The following CLCN6 variants were observed in gnomAD, a reference collection of about 807,000 sequenced individuals.
CLCN6 encodes Cl-/H+ antiporter 6, also known as H(+)/Cl(-) exchange transporter 6.
In CLCN6, 70 loss-of-function variants were observed where a neutral mutation model predicts 109.8. The ratio of observed to expected loss-of-function variants is 0.64; its 90% confidence interval spans 0.53 to 0.78. The LOEUF (loss-of-function observed/expected upper bound fraction) is 0.78, where lower values mean the gene tolerates loss of function less well. CLCN6 is among the 30% of genes least tolerant of loss of function. The pLI is 0.00. For synonymous variants in CLCN6, 444 were observed against 447.8 expected (o/e 0.99, Z 0.11); for missense variants, 984 against 1,142.3 (o/e 0.86, Z 2.00).
At chr1:11,823,932 G>A in intron 7 of CLCN6, 99 bp downstream of exon 7, 1 of 1,472,382 alleles carries the variant, frequency 6.8e-7, no homozygotes, top group East Asian at 2.3e-5. Context: ...GCAGGGCCCA[G>A]CCTCAAACAG....
At chr1:11,832,874 T>C (rs1644898282) in intron 13 of CLCN6, among the ~76,000 whole-genome samples, 1 of 152,178 alleles carries the variant, frequency 6.6e-6, no homozygotes, top group Non-Finnish European at 1.5e-5. Flanking sequence ...AGGTCTAAAA[T>C]GTGTAGAAGT....
At position 11,819,641 on chromosome 1, in the gene CLCN6, T is replaced by C. The variant is rs1229721498; in HGVS notation, c.346+87T>C. On this transcript the variant is annotated intron_variant, in intron 5 of 22. Transcript: ENST00000346436. ...ATAGAAATGGGTCTAACAGTAAGCA[T>C]AGTATTAGAAGGGCCGCTTATTAGC... 8 of 1,187,510 alleles carry C rather than the reference T, an allele frequency of 6.7e-6. No homozygotes were observed. In the East Asian group the frequency reaches 1.9e-4, roughly 28 times the overall value. 73.6% of individuals were successfully genotyped at this position (1,187,510 alleles called of 1,614,324 possible).
chr1:11,824,675 C>T (rs1230752333), intron 8 of CLCN6, 122 bp downstream of exon 8: 8 of 637,312 alleles, frequency 1.3e-5, no homozygotes, highest in East Asian at 3.1e-5. Context: ...TCTGGCTTCA[C>T]GTGTAAACCA....
intron 5 of CLCN6, among the ~76,000 whole-genome samples, chr1:11,822,468 C>G (rs760008545): frequency 6.6e-6 from 1 of 152,212 alleles, no homozygotes; most frequent in Non-Finnish European, 1.5e-5. Flanking sequence ...GCCTCCAACT[C>G]TTAGGCTCAA....
intron 13 of CLCN6, among the ~76,000 whole-genome samples, chr1:11,831,136 T>TAC (rs1491197987): frequency 6.6e-6 from 1 of 150,482 alleles, no homozygotes; most frequent in Non-Finnish European, 1.5e-5. Context: ...CAGCCTGGTT[T>TAC]ATATATATAT....
Position 11,833,518 on chromosome 1 carries a change from A to G in CLCN6, c.1252A>G (p.Thr418Ala). The change falls in exon 14 of 23, where the codon ACA becomes GCA. Residue 418 changes from threonine to alanine, a missense_variant. Physicochemically the swap from Thr to Ala is moderately conservative, Grantham distance 58. Coordinates refer to ENST00000346436, the MANE Select transcript of CLCN6 (RefSeq NM_001286.5). ...IGNDSFQLQV[T>A]EDVNSSIKTF... ...TTTTCTGATTCCTTCTTCTCAGGTC[A>G]CAGAAGATGTGAATTCAAGTATCAA... The G allele has an allele frequency of 6.2e-7, 1 of 1,613,796 alleles. No individual in the cohort carries two copies. The highest frequency in any genetic ancestry group is 1.7e-5 in the Admixed American group (1 of 60,024).
chr1:11,838,780 C>G (rs1175527292), intron 22 of CLCN6, 120 bp downstream of exon 22: 24 of 1,431,712 alleles, frequency 1.7e-5, no homozygotes, highest in Non-Finnish European at 2.2e-5. Flanking sequence ...GAGAGTGTGG[C>G]CCAACACTAG....
rs549178461 is a variant in CLCN6 at position 11,838,301 on chromosome 1, C to T, written c.2296-34C>T. The T allele has an allele frequency of 4.4e-5, 70 of 1,598,508 alleles. No individual in the cohort carries two copies. The East Asian group carries it at 4.5e-4, about 10-fold the overall frequency. On this transcript the variant is annotated intron_variant, in intron 20 of 22. Coordinates refer to ENST00000346436, the MANE Select transcript of CLCN6 (RefSeq NM_001286.5). ...AGGTGACCCTGCTGGCCACTGCTGC[C>T]TGAGCACGGACAGTGTCTGGGTTGG...
chr1:11,836,852 T>A, intron 18 of CLCN6, 147 bp from the exon 19 acceptor site: 1 of 863,016 alleles, frequency 1.2e-6, no homozygotes. Flanking sequence ...ACCACCAGCC[T>A]GAGCCACTCT....
At position 11,828,126 on chromosome 1, in the gene CLCN6, C is replaced by T. The variant is rs1644835713; in HGVS notation, c.861C>T (p.Ala287=). 1 of 1,613,996 alleles carries T rather than the reference C, an allele frequency of 6.2e-7. No homozygotes were observed. Among genetic ancestry groups the T allele is most frequent in the African/African-American group, 1.3e-5 (1 of 74,912 alleles). ...CCTAGCTCTTTTGTTCCATGTCTGC[C>T]ACCTTCACCCTCAACTTCTTCCGTT... is the stretch of plus-strand genomic sequence containing the variant. The part of the protein sequence containing the change: ...TWKVLFCSMS[A]TFTLNFFRSG... The change falls in exon 11 of 23, where the codon GCC becomes GCT. Residue 287 remains alanine, a synonymous_variant. Coordinates refer to ENST00000346436, the MANE Select transcript of CLCN6 (RefSeq NM_001286.5).
rs566286885 is a variant in CLCN6, at chr1:11,830,173, C to T, written c.1248+851C>T. ...GAGGTAGTCCGTGGAGCCTACTCCA[C>T]GCTGTGTTCTTTCGGTCCAACCCGG... is the stretch of plus-strand genomic sequence containing the variant. On this transcript the variant is annotated intron_variant, in intron 13 of 22. Coordinates refer to ENST00000346436, the MANE Select transcript of CLCN6 (RefSeq NM_001286.5). 5.3e-5 allele frequency: 8 copies of T among 152,332 alleles called. No homozygotes were observed. In the East Asian group the frequency reaches 1.3e-3, roughly 26 times the overall value. 9.4% of individuals were successfully genotyped at this position (152,332 alleles called of 1,614,324 possible).
chr1:11,817,094 T>C (rs1644682975), intron 4 of CLCN6, among the ~76,000 whole-genome samples: 1 of 152,180 alleles, frequency 6.6e-6, no homozygotes, highest in African/African-American at 2.4e-5. Flanking sequence ...ACTTTTTTTT[T>C]TCTTTTAATT....
Position 11,836,022 on chromosome 1 carries a change from C to G in CLCN6, c.1849C>G (p.Arg617Gly). Residue 617 changes from arginine (R) to glycine (G), a missense_variant, in exon 18 of 23, where the codon CGC becomes GGC. Physicochemically the swap from Arg to Gly is moderately radical, Grantham distance 125 (BLOSUM62 -2). Transcript: ENST00000346436. ...PNLTYVYPHT[R>G]IQSLVSILRT... ...CCTGACCTACGTCTACCCGCACACC[C>G]GCATCCAGTCTCTGGTGAGCATCCT... 6.2e-7 allele frequency: 1 copy of G among 1,613,988 alleles called. No individual in the cohort carries two copies. The highest frequency in any genetic ancestry group is 8.5e-7 in the Non-Finnish European group (1 of 1,179,980).
At chr1:11,815,779 G>A (rs980088007) in intron 2 of CLCN6, 67 bp from the exon 3 acceptor site, 3 of 1,233,112 alleles carry the variant, frequency 2.4e-6, no homozygotes, top group African/African-American at 3.0e-5. Context: ...CAGGAACCCA[G>A]AGGTTTGTCC....
chr1:11,837,274 G>A, intron 19 of CLCN6, 69 bp from the exon 20 acceptor site: 2 of 1,587,252 alleles, frequency 1.3e-6, no homozygotes, highest in Non-Finnish European at 1.7e-6. Context: ...TGGGGAGCGG[G>A]CTGGGAACAT....
intron 5 of CLCN6, among the ~76,000 whole-genome samples, chr1:11,821,017 A>G (rs1446824667): frequency 6.6e-6 from 1 of 151,536 alleles, no homozygotes; most frequent in African/African-American, 2.4e-5. Context: ...CAGAGGCTGC[A>G]GTGAGCCGAG....
chr1:11,835,767 G>A (rs780607879), intron 17 of CLCN6, among the ~76,000 whole-genome samples, 200 bp from the exon 18 acceptor site: 1 of 152,174 alleles, frequency 6.6e-6, no homozygotes, highest in Non-Finnish European at 1.5e-5. Flanking sequence ...AGCAGGGTAC[G>A]ACATTCCAGG....
chr1:11,815,317 A>G (rs1003056590), intron 2 of CLCN6, among the ~76,000 whole-genome samples: 2 of 152,250 alleles, frequency 1.3e-5, no homozygotes, highest in Admixed American at 6.5e-5. Flanking sequence ...ATGAACCTAA[A>G]GCAACACCAC....
In CLCN6 at chr1:11,827,074, C is replaced by T. The variant is rs749300824; in HGVS notation, c.708-15C>T. ...GGGCTCTTTATTGGATAACCCGTCTCTCTCCTCTCCTCAGAGACAAGAGAG... is the reference window on the plus strand; with the variant it reads ...GGGCTCTTTATTGGATAACCCGTCTTTCTCCTCTCCTCAGAGACAAGAGAG... On this transcript the variant is annotated splice_polypyrimidine_tract_variant and intron_variant, in intron 9 of 22. Coordinates refer to ENST00000346436, the MANE Select transcript of CLCN6 (RefSeq NM_001286.5). The T allele has an allele frequency of 1.9e-6, 3 of 1,612,768 alleles. No individual in the cohort carries two copies. The highest frequency in any genetic ancestry group is 2.2e-5 in the East Asian group (1 of 44,836).
Sources: gnomAD v4.1 joint callset for allele counts (sites outside exome capture counted in the v4.1 genomes callset) on GRCh38, gnomAD v4.1.1 for gene constraint, MANE v1.5 for transcripts, NCBI Gene and HGNC (gene_info 2026-07-23, HGNC 2026-07-21) for gene names.